The following ULK2 variants were observed in gnomAD, a reference collection of about 807,000 sequenced individuals.
ULK2 encodes the protein serine/threonine-protein kinase ULK2.
ULK2 carries 76 observed loss-of-function variants against 127.5 expected under a neutral mutation model. That is an observed-to-expected ratio of 0.60 (90% CI 0.50 to 0.72). ULK2 has a LOEUF of 0.72. ULK2 is among the 30% of genes least tolerant of loss of function. ULK2 has a pLI of 0.00. For synonymous variants in ULK2, 452 were observed against 461.9 expected, an observed-to-expected ratio of 0.98 and a Z score of 0.28; for missense variants, 1,144 against 1,295.9, an observed-to-expected ratio of 0.88 and a Z score of 1.80.
chr17:19,811,786 T>C (rs547628291), intron 13 of ULK2, among the ~76,000 whole-genome samples: 8 of 152,250 alleles, frequency 5.3e-5, no homozygotes, highest in African/African-American at 1.7e-4. Context: ...ATATACCCAA[T>C]GGGATTATCC....
intron 14 of ULK2, 121 bp from the exon 15 acceptor site, chr17:19,804,951 T>C (rs1359680659): frequency 9.1e-7 from 1 of 1,094,708 alleles, no homozygotes; most frequent in Admixed American, 3.2e-5. Context: ...CTCCACTACC[T>C]TAATAAGAAA....
At chr17:19,819,169 C>A (rs2041074750) in intron 12 of ULK2, among the ~76,000 whole-genome samples, 1 of 152,216 alleles carries the variant, frequency 6.6e-6, no homozygotes, top group South Asian at 2.1e-4. Context: ...ACATAACCCA[C>A]TCTGTCTTCA....
intron 6 of ULK2, among the ~76,000 whole-genome samples, chr17:19,846,460 T>C (rs745319873): frequency 5.3e-5 from 8 of 152,100 alleles, no homozygotes; most frequent in South Asian, 2.1e-4. Flanking sequence ...GCCAACATGG[T>C]GAAACCCTGT....
At chr17:19,798,020 C>T (rs1567684337) in intron 17 of ULK2, among the ~76,000 whole-genome samples, 1 of 152,060 alleles carries the variant, frequency 6.6e-6, no homozygotes, top group Non-Finnish European at 1.5e-5. Flanking sequence ...CAACAAAAAC[C>T]TACATTGAAC....
chr17:19,799,184 T>G (rs761250755), intron 17 of ULK2, among the ~76,000 whole-genome samples: 3 of 151,634 alleles, frequency 2.0e-5, no homozygotes, highest in Non-Finnish European at 4.4e-5. Flanking sequence ...AAAAGTATTA[T>G]TAATCAATAG....
chr17:19,776,278 A>AG lies in ULK2; in HGVS notation c.*70dup. On this transcript the variant is annotated 3_prime_UTR_variant, in exon 27 of 27. Transcript: ENST00000395544. ...TACAGTTTCCTGGGGATGGGGTGAC[A>AG]GAACTCAAGCTGTAATCCCAAAGGC... 7.2e-7 allele frequency: 1 copy of AG among 1,386,834 alleles called. No homozygotes were observed. Among genetic ancestry groups the AG allele is most frequent in the Non-Finnish European group, 9.7e-7 (1 of 1,029,342 alleles). The allele number at this position is 1,386,834 out of a possible 1,614,324, so 85.9% of individuals were successfully genotyped here.
At chr17:19,854,798 C>G (rs2042088574) in intron 3 of ULK2, among the ~76,000 whole-genome samples, 1 of 151,878 alleles carries the variant, frequency 6.6e-6, no homozygotes, top group South Asian at 2.1e-4. Flanking sequence ...CATGTAGGAA[C>G]TTCCATATAT....
In ULK2 at chr17:19,797,690, G is replaced by C; in HGVS notation, c.1523-8C>G. On this transcript the variant is annotated splice_polypyrimidine_tract_variant and splice_region_variant and intron_variant, in intron 17 of 26. Transcript: ENST00000395544. ...CTTGTGGCACTGGAGAACCTAACAA[G>C]AAAACAAATGTAACATTAACCTGAA... The C allele has an allele frequency of 1.3e-6, 2 of 1,483,430 alleles. No individual in the cohort carries two copies. The highest frequency in any genetic ancestry group is 1.4e-5 in the South Asian group (1 of 70,956). 91.9% of individuals were successfully genotyped at this position (1,483,430 alleles called of 1,614,324 possible).
intron 10 of ULK2, among the ~76,000 whole-genome samples, chr17:19,837,571 C>T (rs186845825): frequency 1.3e-3 from 205 of 152,268 alleles, no homozygotes; most frequent in Non-Finnish European, 2.6e-3. Flanking sequence ...CCAACAGAAA[C>T]TCCTCATCTT....
intron 7 of ULK2, among the ~76,000 whole-genome samples, chr17:19,844,671 G>A (rs113704930): frequency 2.6e-5 from 4 of 151,974 alleles, no homozygotes; most frequent in African/African-American, 9.7e-5. Flanking sequence ...TTAGTTTAGA[G>A]AAATTTTGAA....
chr17:19,814,832 C>T (rs1442144650), intron 13 of ULK2, among the ~76,000 whole-genome samples: 2 of 152,064 alleles, frequency 1.3e-5, no homozygotes, highest in Non-Finnish European at 2.9e-5. Context: ...AGGTTGTGAA[C>T]CACAATGCCT....
At chr17:19,780,110 G>A (rs2086887477) in intron 25 of ULK2, among the ~76,000 whole-genome samples, 1 of 151,676 alleles carries the variant, frequency 6.6e-6, no homozygotes, top group Non-Finnish European at 1.5e-5. Context: ...GGAAGCAGAG[G>A]TTGCAGTGAG....
chr17:19,824,556 G>A (rs1262027310), intron 12 of ULK2, among the ~76,000 whole-genome samples: 1 of 151,760 alleles, frequency 6.6e-6, no homozygotes, highest in African/African-American at 2.4e-5. Context: ...TGAGATGGGA[G>A]GGAACACAGC....
rs189536210 is a variant in ULK2 at position 19,856,801 on chromosome 17, T to C, written c.226-7027A>G. ...TCCTGGCTAACACGGTGAAACCCCG[T>C]CTCTACTAAAAAATACAAAAACAAA... is the stretch of plus-strand genomic sequence containing the variant. On this transcript the variant is annotated intron_variant, in intron 3 of 26. Transcript: ENST00000395544. Among the ~76,000 whole-genome samples, 136 of 147,934 alleles carry C rather than the reference T, an allele frequency of 9.2e-4. 1 individual carries two copies. The highest frequency in any genetic ancestry group is 1.6e-3 in the Non-Finnish European group (107 of 67,190).
At chr17:19,865,391 C>A (rs1461620819) in intron 2 of ULK2, among the ~76,000 whole-genome samples, 2 of 152,200 alleles carry the variant, frequency 1.3e-5, no homozygotes, top group East Asian at 3.9e-4. Context: ...CCCCTACTCC[C>A]CCCAAAAAAC....
At chr17:19,818,039 ACCTGTAATTCCAGCACTTTGGG>A (rs1245528353) in intron 12 of ULK2, among the ~76,000 whole-genome samples, 4 of 152,004 alleles carry the variant, frequency 2.6e-5, no homozygotes, top group Admixed American at 6.6e-5. Context: ...CACGGCTCAC[ACCTGTAATTCCAGCACTTTGGG>A]CCTGTAATTC....
chr17:19,856,591 A>C (rs543982382), intron 3 of ULK2, among the ~76,000 whole-genome samples: 60 of 151,674 alleles, frequency 4.0e-4, no homozygotes, highest in African/African-American at 1.3e-3. Flanking sequence ...CACACACAAA[A>C]AAAAAAAAGT....
Position 19,780,588 on chromosome 17 carries a change from T to C in ULK2, c.2800A>G (p.Met934Val), listed in dbSNP as rs542321559. ...AGCTTTTCTGTAAGTTTCTTGCACA[T>C]GGTGATGCAGAATTTATATCGTTCG... is the stretch of plus-strand genomic sequence containing the variant. ...LNERYKFCITMCKKLTEKLNR... is the reference protein window; with the variant it reads ...LNERYKFCITVCKKLTEKLNR... The change falls in exon 25 of 27, where the codon ATG becomes GTG. Residue 934 changes from methionine (M) to valine (V), a missense_variant. Transcript: ENST00000395544. 5.0e-6 allele frequency: 8 copies of C among 1,613,410 alleles called. No individual in the cohort carries two copies. In the African/African-American group the frequency reaches 1.1e-4, roughly 22 times the overall value.
intron 16 of ULK2, 42 bp from the exon 17 acceptor site, chr17:19,799,617 A>G (rs1346861851): frequency 2.0e-6 from 3 of 1,499,106 alleles, no homozygotes; most frequent in South Asian, 1.3e-5. Context: ...AGGAAGAAAA[A>G]TGATCAAAAA....
Sources: allele counts gnomAD v4.1 joint callset (sites outside exome capture counted in the v4.1 genomes callset), GRCh38; gene constraint gnomAD v4.1.1; transcripts MANE v1.5; gene names NCBI Gene and HGNC (gene_info 2026-07-23, HGNC 2026-07-21).